Variants in CPA6 observed in about 807,000 individuals in gnomAD.
The protein encoded by CPA6 is carboxypeptidase B.
In CPA6, 58 loss-of-function variants were observed where a neutral mutation model predicts 63.3. The observed-to-expected ratio is 0.92, with a 90% CI of 0.74 to 1.14. The LOEUF (loss-of-function observed/expected upper bound fraction) is 1.14. CPA6 is among the 50% of genes most tolerant of loss of function. The probability of loss-of-function intolerance (pLI) is 0.00; values close to 1 mark genes in which losing one functional copy is unlikely to be tolerated. For synonymous variants in CPA6, 185 were observed against 179.0 expected, an observed-to-expected ratio of 1.03 and a Z score of -0.27; for missense variants, 565 against 526.6, an observed-to-expected ratio of 1.07 and a Z score of -0.71.
intron 2 of CPA6, among the ~76,000 whole-genome samples, chr8:67,560,487 C>T (rs1329426340): frequency 6.6e-6 from 1 of 152,078 alleles, no homozygotes; most frequent in Admixed American, 6.6e-5. Context: ...AGCACTGGTT[C>T]CCGTGATAGG....
At chr8:67,660,388 G>A (rs1351829362) in intron 1 of CPA6, among the ~76,000 whole-genome samples, 1 of 130,578 alleles carries the variant, frequency 7.7e-6, no homozygotes, top group Non-Finnish European at 1.5e-5. Context: ...GGAGCAGAGT[G>A]TCTCAATCTT....
chr8:67,472,674 T>A (rs1212074213), intron 8 of CPA6, among the ~76,000 whole-genome samples: 1 of 152,164 alleles, frequency 6.6e-6, no homozygotes, highest in Non-Finnish European at 1.5e-5. Flanking sequence ...GTGATCCACT[T>A]GCCTTGGCCT....
intron 1 of CPA6, among the ~76,000 whole-genome samples, chr8:67,733,452 A>T (rs1817754607): frequency 6.6e-6 from 1 of 151,920 alleles, no homozygotes; most frequent in African/African-American, 2.4e-5. Context: ...CTACCCTCAG[A>T]GCTTCACATA....
chr8:67,499,966 G>A (rs766731138), intron 6 of CPA6, among the ~76,000 whole-genome samples: 25 of 152,190 alleles, frequency 1.6e-4, no homozygotes, highest in Middle Eastern at 6.8e-3. Flanking sequence ...ATTTGTGCAC[G>A]GGTTTTTGAG....
chr8:67,711,879 G>T (rs1280471600), intron 1 of CPA6, among the ~76,000 whole-genome samples: 1 of 152,094 alleles, frequency 6.6e-6, no homozygotes, highest in Non-Finnish European at 1.5e-5. Context: ...TCAATACCCT[G>T]GTGGCACTGT....
intron 6 of CPA6, among the ~76,000 whole-genome samples, chr8:67,501,112 G>A (rs1811822435): frequency 1.3e-5 from 2 of 151,992 alleles, no homozygotes; most frequent in African/African-American, 4.8e-5. Context: ...AAGTCTTGCT[G>A]AAATTTTGAT....
intron 8 of CPA6, 39 bp from the exon 9 acceptor site, chr8:67,434,279 A>G (rs1203606262): frequency 1.3e-6 from 2 of 1,534,050 alleles, no homozygotes; most frequent in East Asian, 4.5e-5. Flanking sequence ...GGAAGTGGGC[A>G]GGGAAGAAAC....
At position 67,713,095 on chromosome 8, in the gene CPA6, GTGTGTATATATA is replaced by G. The variant is rs1222224614; in HGVS notation, c.116+32907_116+32918del. 9.6e-3 allele frequency among the ~76,000 whole-genome samples: 833 copies of G among 86,322 alleles called. 8 individuals carry two copies. Among genetic ancestry groups the G allele is most frequent in the Non-Finnish European group, 0.014 (640 of 44,690 alleles). 56.6% of individuals were successfully genotyped at this position (86,322 alleles called of 152,430 possible). A position where few individuals can be genotyped will look rare whatever the true frequency, so the allele number is the denominator to read the frequency against. ...TATCTGTGTGTGTATGTGTGTGTGT[GTGTGTATATATA>G]TATATATATATATATATATATATAT... is the stretch of plus-strand genomic sequence containing the variant. On this transcript the variant is annotated intron_variant, in intron 1 of 10. Coordinates refer to ENST00000297770, the MANE Select transcript of CPA6 (RefSeq NM_020361.5).
intron 8 of CPA6, among the ~76,000 whole-genome samples, chr8:67,459,916 T>A (rs1810762498): frequency 6.6e-6 from 1 of 152,184 alleles, no homozygotes; most frequent in African/African-American, 2.4e-5. Flanking sequence ...TGCGGGAGGC[T>A]ATGCATGTGT....
chr8:67,462,326 C>T (rs1810831993), intron 8 of CPA6, among the ~76,000 whole-genome samples: 1 of 152,146 alleles, frequency 6.6e-6, no homozygotes, highest in Admixed American at 6.5e-5. Flanking sequence ...TGGAGATTTT[C>T]CATGTCAGTG....
intron 2 of CPA6, among the ~76,000 whole-genome samples, chr8:67,581,477 G>A (rs549242572): frequency 1.7e-4 from 26 of 152,304 alleles, no homozygotes; most frequent in African/African-American, 6.3e-4. Context: ...TCAGCTTTGG[G>A]TGTTAACGGT....
intron 1 of CPA6, among the ~76,000 whole-genome samples, chr8:67,652,607 T>G (rs1323110509): frequency 5.0e-4 from 75 of 150,748 alleles, no homozygotes; most frequent in African/African-American, 1.1e-3. Flanking sequence ...TCTTGTAAAT[T>G]TGTTTGAGTT....
At chr8:67,583,469 G>A (rs945836121) in intron 2 of CPA6, among the ~76,000 whole-genome samples, 33 of 151,882 alleles carry the variant, frequency 2.2e-4, no homozygotes, top group African/African-American at 8.0e-4. Context: ...TTCAGCTTGT[G>A]ATAGGCCTAA....
rs1563967641 is a variant in CPA6 at position 67,475,830 on chromosome 8, T to TC, written c.838+7937dup. The stretch of plus-strand genomic sequence containing the variant: ...CTTTCTTTCTTTCCTTTCTTTTCTT[T>TC]CTTTCTTTCTTTCTTTCTTTCTTTC... On this transcript the variant is annotated intron_variant, in intron 8 of 10. Transcript: ENST00000297770. Among the ~76,000 whole-genome samples, 331 of 63,236 alleles carry TC rather than the reference T, an allele frequency of 5.2e-3. 6 individuals are homozygous for TC. Among genetic ancestry groups the TC allele is most frequent in the African/African-American group, 0.015 (190 of 12,832 alleles). The allele number at this position is 63,236 out of a possible 152,430, so 41.5% of individuals were successfully genotyped here.
intron 8 of CPA6, among the ~76,000 whole-genome samples, chr8:67,437,028 C>G (rs966917846): frequency 1.1e-4 from 16 of 152,152 alleles, no homozygotes; most frequent in African/African-American, 4.8e-5. Context: ...ATTGGGGTTT[C>G]CCTTCTTTGA....
At chr8:67,633,784 AACAT>A (rs1314257653) in intron 1 of CPA6, among the ~76,000 whole-genome samples, 1 of 152,118 alleles carries the variant, frequency 6.6e-6, no homozygotes, top group East Asian at 1.9e-4. Context: ...GTATTTTACA[AACAT>A]ACTTTGAGAC....
At chr8:67,704,368 T>C (rs1817088489) in intron 1 of CPA6, among the ~76,000 whole-genome samples, 1 of 152,202 alleles carries the variant, frequency 6.6e-6, no homozygotes, top group Non-Finnish European at 1.5e-5. Flanking sequence ...AAAACAGGCT[T>C]CTTGTCTGCT....
chr8:67,601,354 G>A (rs868103717), intron 2 of CPA6, among the ~76,000 whole-genome samples: 24 of 152,100 alleles, frequency 1.6e-4, no homozygotes, highest in African/African-American at 4.8e-4. Context: ...AAACTTTCTT[G>A]ATAGTGACCA....
intron 2 of CPA6, among the ~76,000 whole-genome samples, chr8:67,539,590 T>C (rs2128970573): frequency 6.6e-6 from 1 of 152,342 alleles, no homozygotes; most frequent in Admixed American, 6.5e-5. Flanking sequence ...CTGAAGAGTG[T>C]TTTCCAACTT....
Sources: gnomAD v4.1 joint callset for allele counts (sites outside exome capture counted in the v4.1 genomes callset) on GRCh38, gnomAD v4.1.1 for gene constraint, MANE v1.5 for transcripts, NCBI Gene and HGNC (gene_info 2026-07-23, HGNC 2026-07-21) for gene names.